Variants in POM121L2 observed in about 807,000 individuals in gnomAD.
POM121L2 encodes the protein POM121-like protein 2.
For missense variants in POM121L2, 1,167 were observed against 1,260.3 expected (o/e 0.93, Z 1.12); for synonymous variants, 459 against 483.8 (o/e 0.95, Z 0.67).
Position 27,311,655 on chromosome 6 carries a change from C to A in POM121L2, c.516G>T (p.Arg172Ser). The change falls in exon 1 of 1, where the codon AGG (arginine) becomes AGT (serine). Residue 172 changes from arginine to serine, a missense_variant. Arg to Ser is a moderately radical substitution (Grantham distance 110, BLOSUM62 -1). Coordinates refer to ENST00000444565, the MANE Select transcript of POM121L2 (RefSeq NM_033482.4). ...TCTCAGGGAATAGTGGTTCTTCCAA[C>A]CTCCCTTTCCCTTTTCTGCACTCTC... ...ALRECRKGKG[R>S]LEEPLFPESL... The A allele has an allele frequency of 1.9e-6, 3 of 1,551,866 alleles. No individual in the cohort carries two copies. Among genetic ancestry groups the A allele is most frequent in the Non-Finnish European group, 2.6e-6 (3 of 1,147,026 alleles).
Position 27,310,381 on chromosome 6 carries a change from G to A in POM121L2, c.1790C>T (p.Ser597Phe). ...LKTTPMIAPF[S>F]SKQTPPPFTH... is the part of the protein sequence containing the mutation. ...AAATGGAGGAGGGGTCTGCTTGGAG[G>A]AGAAAGGAGCTATCATGGGCGTAGT... Residue 597 changes from serine (S) to phenylalanine (F), a missense_variant, in exon 1 of 1, where the codon TCC becomes TTC. By Grantham distance (155) the Ser-to-Phe change is radical. Coordinates refer to ENST00000444565, the MANE Select transcript of POM121L2 (RefSeq NM_033482.4). The A allele has an allele frequency of 1.9e-6, 3 of 1,552,154 alleles. No homozygotes were observed. The highest frequency in any genetic ancestry group is 2.6e-6 in the Non-Finnish European group (3 of 1,147,100).
chr6:27,310,225 G>A lies in POM121L2; in HGVS notation c.1946C>T (p.Thr649Ile). The A allele has an allele frequency of 6.4e-7, 1 of 1,552,362 alleles. No homozygotes were observed. Among genetic ancestry groups the A allele is most frequent in the Non-Finnish European group, 8.7e-7 (1 of 1,147,128 alleles). ...AGAATAAGTGTTGCCTACGGCACTG[G>A]TGACATTCACTACACCAAAATCCAA... is the stretch of plus-strand genomic sequence containing the variant. ...PPLDFGVVNVTSAVGNTYSVP... is the reference protein window; with the variant it reads ...PPLDFGVVNVISAVGNTYSVP... Residue 649 changes from threonine (T) to isoleucine (I), a missense_variant, in exon 1 of 1, where the codon ACC (threonine) becomes ATC (isoleucine). Thr to Ile is a moderately conservative substitution (Grantham distance 89). Transcript: ENST00000444565.
rs1760711480 is a variant in POM121L2, at chr6:27,309,360, T to C, written c.2811A>G (p.Lys937=). 1 of 1,551,358 alleles carries C rather than the reference T, an allele frequency of 6.4e-7. No homozygotes were observed. ...GTTNTMIPFG[K]GWSQNTEGLP... ...GGCCTTCAGTGTTCTGGCTCCAGCC[T>C]TTTCCAAAGGGGATCATGGTGTTAG... The change falls in exon 1 of 1, where the codon AAA becomes AAG. Residue 937 remains lysine, a synonymous_variant. Transcript: ENST00000444565.
Position 27,310,034 on chromosome 6 carries a change from A to T in POM121L2, c.2137T>A (p.Ser713Thr). The T allele has an allele frequency of 6.4e-7, 1 of 1,552,176 alleles. No individual in the cohort carries two copies. The highest frequency in any genetic ancestry group is 8.7e-7 in the Non-Finnish European group (1 of 1,147,066). ...TQVLSSVVQI[S>T]PRSSTANFRG... ...AAATTAGCAGTGCTGCTTCTAGGGG[A>T]TATCTGTACAACACTGGAAAGGACC... The change falls in exon 1 of 1, where the codon TCC becomes ACC. Residue 713 changes from serine (S) to threonine (T), a missense_variant. Physicochemically the swap from Ser to Thr is moderately conservative, Grantham distance 58. Transcript: ENST00000444565.
rs1276805412 is a variant in POM121L2 at position 27,308,440 on chromosome 6, C to A, written c.*623G>T. Among the ~76,000 whole-genome samples the A allele has an allele frequency of 6.6e-6, 1 of 152,074 alleles. No individual in the cohort carries two copies. The highest frequency in any genetic ancestry group is 2.4e-5 in the African/African-American group (1 of 41,386). On this transcript the variant is annotated 3_prime_UTR_variant, in exon 1 of 1. Transcript: ENST00000444565. ...GAAAAAAATGGAAATAAATGTTCTT[C>A]AACAGGTGAATGGATAAATGAACTG... is the stretch of plus-strand genomic sequence containing the variant.
chr6:27,309,054 GA>G lies in POM121L2; in HGVS notation c.*8del, dbSNP rs1561789648. On this transcript the variant is annotated 3_prime_UTR_variant, in exon 1 of 1. Transcript: ENST00000444565. ...TCTAAATCAGGGTGCAAGTGACAGG[GA>G]ACACAGGCTACTTCTTGTAGGCATG... 2 of 1,538,872 alleles carry G rather than the reference GA, an allele frequency of 1.3e-6. No individual in the cohort carries two copies. The highest frequency in any genetic ancestry group is 1.2e-5 in the South Asian group (1 of 82,350).
chr6:27,308,592 G>C lies in POM121L2; in HGVS notation c.*471C>G, dbSNP rs192235367. 2.6e-3 allele frequency among the ~76,000 whole-genome samples: 390 copies of C among 152,300 alleles called. 7 individuals are homozygous for C. The highest frequency in any genetic ancestry group is 2.4e-3 in the Non-Finnish European group (165 of 68,024). On this transcript the variant is annotated 3_prime_UTR_variant, in exon 1 of 1. Coordinates refer to ENST00000444565, the MANE Select transcript of POM121L2 (RefSeq NM_033482.4). ...GCATTATGCTGAGTGAAGGAAGCCA[G>C]TCTCCAAAGGTTACATACTGTTTGA...
chr6:27,309,272 C>T lies in POM121L2; in HGVS notation c.2899G>A (p.Ala967Thr), dbSNP rs41269255. Reference protein sequence around the residue: ...RGSISARKTMAPIAQNTPVPG... With the variant: ...RGSISARKTMTPIAQNTPVPG... ...ACTGGGGTGTTTTGAGCAATGGGGG[C>T]CATAGTCTTTCTTGCAGAAATGCTG... is the stretch of plus-strand genomic sequence containing the variant. The change falls in exon 1 of 1, where the codon GCC (alanine) becomes ACC (threonine). Residue 967 changes from alanine to threonine, a missense_variant. Coordinates refer to ENST00000444565, the MANE Select transcript of POM121L2 (RefSeq NM_033482.4). The T allele has an allele frequency of 0.11, 168,107 of 1,551,510 alleles. 9,745 individuals are homozygous for T. Among genetic ancestry groups the T allele is most frequent in the Middle Eastern group, 0.19 (1,151 of 5,984 alleles).
Position 27,309,893 on chromosome 6 carries a change from A to C in POM121L2, c.2278T>G (p.Ser760Ala). The change falls in exon 1 of 1, where the codon TCA (serine) becomes GCA (alanine). Residue 760 changes from serine (S) to alanine (A), a missense_variant. Transcript: ENST00000444565. ...TGGGATAGTGGGAAAGGTGGCCTTG[A>C]GCTTGATCCCAAGGGACTTGTGATT... The part of the protein sequence containing the change: ...PAITSPLGSS[S>A]RPPFPLSQGA... 1 of 1,551,760 alleles carries C rather than the reference A, an allele frequency of 6.4e-7. No individual in the cohort carries two copies. Among genetic ancestry groups the C allele is most frequent in the Non-Finnish European group, 8.7e-7 (1 of 1,147,014 alleles).
chr6:27,309,705 AC>A, intron 1 of POM121L2: 1 of 1,551,736 alleles, frequency 6.4e-7, no homozygotes, highest in South Asian at 1.2e-5. Flanking sequence ...ACTGTGTGGT[AC>A]TAATGAAGGC....
chr6:27,311,491 C>G lies in POM121L2; in HGVS notation c.680G>C (p.Ser227Thr). Residue 227 changes from serine (S) to threonine (T), a missense_variant, in exon 1 of 1, where the codon AGC becomes ACC. Physicochemically the swap from Ser to Thr is moderately conservative, Grantham distance 58. Coordinates refer to ENST00000444565, the MANE Select transcript of POM121L2 (RefSeq NM_033482.4). ...GGAGCAATTGGGCCTCTTAGTCAAG[C>G]TGTGATCTGAGCCCCAGGAGTGGAG... The part of the protein sequence containing the change: ...RSLHSWGSDH[S>T]LTKRPNCSSM... 6.4e-7 allele frequency: 1 copy of G among 1,551,802 alleles called. No individual in the cohort carries two copies. Among genetic ancestry groups the G allele is most frequent in the Non-Finnish European group, 8.7e-7 (1 of 1,147,014 alleles).
At position 27,309,690 on chromosome 6, in the gene POM121L2, G is replaced by A; in HGVS notation, c.2481C>T (p.Ala827=). 2 of 1,551,748 alleles carry A rather than the reference G, an allele frequency of 1.3e-6. No individual in the cohort carries two copies. The highest frequency in any genetic ancestry group is 2.4e-5 in the South Asian group (2 of 84,068). The change falls in exon 1 of 1, where the codon GCC becomes GCT. Residue 827 remains alanine, a synonymous_variant. Coordinates refer to ENST00000444565, the MANE Select transcript of POM121L2 (RefSeq NM_033482.4). The part of the protein sequence containing the change: ...QPAFISTTQS[A]LGCLTPSAST... ...AGGCTGAGGGTGTCAAACACCCCAAGGCTGACTGTGTGGTACTAATGAAGG... is the reference window on the plus strand; with the variant it reads ...AGGCTGAGGGTGTCAAACACCCCAAAGCTGACTGTGTGGTACTAATGAAGG...
In POM121L2 at chr6:27,310,911, A is replaced by C; in HGVS notation, c.1260T>G (p.Ser420=). The C allele has an allele frequency of 6.4e-7, 1 of 1,551,882 alleles. No individual in the cohort carries two copies. Among genetic ancestry groups the C allele is most frequent in the Non-Finnish European group, 8.7e-7 (1 of 1,147,032 alleles). The change falls in exon 1 of 1, where the codon TCT becomes TCG. Residue 420 remains serine (S), a synonymous_variant. Coordinates refer to ENST00000444565, the MANE Select transcript of POM121L2 (RefSeq NM_033482.4). ...KMQKSLGPLA[S]PQSTGEATSV... ...TGGTTGCCTCTCCCGTGGACTGTGG[A>C]GAGGCCAGTGGACCTAGAGACTTCT... is the stretch of plus-strand genomic sequence containing the variant.
chr6:27,310,412 G>A lies in POM121L2; in HGVS notation c.1759C>T (p.Leu587Phe). ...FKPIFGSIDPLKTTPMIAPFS... is the reference protein window; with the variant it reads ...FKPIFGSIDPFKTTPMIAPFS... ...GGAGCTATCATGGGCGTAGTTTTAA[G>A]TGGATCTATGCTGCCAAAGATAGGC... The change falls in exon 1 of 1, where the codon CTT becomes TTT. Residue 587 changes from leucine (L) to phenylalanine (F), a missense_variant. Leu to Phe is a conservative substitution (Grantham distance 22, BLOSUM62 0). Transcript: ENST00000444565. 6.4e-7 allele frequency: 1 copy of A among 1,552,232 alleles called. No individual in the cohort carries two copies.
At position 27,311,536 on chromosome 6, in the gene POM121L2, G is replaced by A. The variant is rs1220376181; in HGVS notation, c.635C>T (p.Pro212Leu). Residue 212 changes from proline (P) to leucine (L), a missense_variant, in exon 1 of 1, where the codon CCT becomes CTT. Coordinates refer to ENST00000444565, the MANE Select transcript of POM121L2 (RefSeq NM_033482.4). Reference protein sequence around the residue: ...NGTLTSFVPRPGPLKRSLHSW... With the variant: ...NGTLTSFVPRLGPLKRSLHSW... ...GTGGAGACTTCTCTTCAGCGGCCCA[G>A]GCCTGGGCACAAAAGAAGTGAGGGT... 1.3e-6 allele frequency: 2 copies of A among 1,551,644 alleles called. No individual in the cohort carries two copies. The highest frequency in any genetic ancestry group is 2.0e-5 in the Admixed American group (1 of 50,984).
chr6:27,310,963 G>A lies in POM121L2; in HGVS notation c.1208C>T (p.Pro403Leu). 2 of 1,552,042 alleles carry A rather than the reference G, an allele frequency of 1.3e-6. No individual in the cohort carries two copies. Among genetic ancestry groups the A allele is most frequent in the Non-Finnish European group, 8.7e-7 (1 of 1,147,012 alleles). ...SETDLTQGAN[P>L]QLENLRKMQK... ...CATTTTTCTTAAGTTTTCCAACTGAGGATTTGCTCCCTGGGTTAGATCTGT... is the reference window on the plus strand; with the variant it reads ...CATTTTTCTTAAGTTTTCCAACTGAAGATTTGCTCCCTGGGTTAGATCTGT... Residue 403 changes from proline (P) to leucine (L), a missense_variant, in exon 1 of 1, where the codon CCT becomes CTT. By Grantham distance (98) the Pro-to-Leu change is moderately conservative (BLOSUM62 -3). Transcript: ENST00000444565.
Position 27,311,714 on chromosome 6 carries a change from G to A in POM121L2, c.457C>T (p.Pro153Ser), listed in dbSNP as rs1214174510. The A allele has an allele frequency of 7.1e-6, 11 of 1,551,758 alleles. No individual in the cohort carries two copies. The highest frequency in any genetic ancestry group is 1.7e-4 in the Middle Eastern group (1 of 6,012). ...CTCAACACTGTCTCCTTTGAACATG[G>A]ATCTGCGAGCTCCTCAGAGGGCGGG... ...GLPPSEELADPCSKETVLRAL... is the reference protein window; with the variant it reads ...GLPPSEELADSCSKETVLRAL... The change falls in exon 1 of 1, where the codon CCA becomes TCA. Residue 153 changes from proline to serine, a missense_variant. By Grantham distance (74) the Pro-to-Ser change is moderately conservative. Transcript: ENST00000444565.
Position 27,312,032 on chromosome 6 carries a change from C to T in POM121L2, c.139G>A (p.Ala47Thr). Residue 47 changes from alanine (A) to threonine (T), a missense_variant, in exon 1 of 1, where the codon GCC becomes ACC. Coordinates refer to ENST00000444565, the MANE Select transcript of POM121L2 (RefSeq NM_033482.4). The surrounding 1 kb of genome is among the most constrained non-coding windows in gnomAD (Gnocchi z 6.7). ...QVHRVQFVHR[A>T]HPAPRYRPVR... ...GGTCTATACCGTGGGGCAGGGTGGG[C>T]GCGGTGGACGAACTGAACCCGATGA... 2.0e-6 allele frequency: 3 copies of T among 1,531,422 alleles called. No homozygotes were observed. The highest frequency in any genetic ancestry group is 2.6e-6 in the Non-Finnish European group (3 of 1,135,032). 94.9% of individuals were successfully genotyped at this position (1,531,422 alleles called of 1,614,324 possible).
Position 27,310,130 on chromosome 6 carries a change from T to C in POM121L2, c.2041A>G (p.Thr681Ala). The change falls in exon 1 of 1, where the codon ACA (threonine) becomes GCA (alanine). Residue 681 changes from threonine (T) to alanine (A), a missense_variant. By Grantham distance (58) the Thr-to-Ala change is moderately conservative. Coordinates refer to ENST00000444565, the MANE Select transcript of POM121L2 (RefSeq NM_033482.4). ...TGGTGTGGTGGGAAAATGAATCCTG[T>C]GGCTGGGGTGAAGTCGGCCCTGAAG... ...QAFRADFTPA[T>A]GFIFPPHHHP... The C allele has an allele frequency of 6.4e-7, 1 of 1,551,940 alleles. No homozygotes were observed. The highest frequency in any genetic ancestry group is 1.2e-5 in the South Asian group (1 of 84,064).
Sources: allele counts gnomAD v4.1 joint callset (sites outside exome capture counted in the v4.1 genomes callset), GRCh38; gene constraint gnomAD v4.1.1; non-coding constraint Gnocchi (gnomAD v3.1); transcripts MANE v1.5; gene names NCBI Gene and HGNC (gene_info 2026-07-23, HGNC 2026-07-21).